The following QRICH1 variants were observed in gnomAD, a reference collection of about 807,000 sequenced individuals.
QRICH1 encodes the protein transcriptional regulator QRICH1.
In QRICH1, 16 loss-of-function variants were observed where a neutral mutation model predicts 87.1. The ratio of observed to expected loss-of-function variants is 0.18; its 90% CI spans 0.12 to 0.28. The LOEUF (loss-of-function observed/expected upper bound fraction) is 0.28, where lower values mean the gene tolerates loss of function less well. QRICH1 is among the 10% of genes least tolerant of loss of function. The pLI, the probability that QRICH1 is intolerant of heterozygous loss-of-function variation, is 1.00. For synonymous variants in QRICH1, 367 were observed against 368.4 expected, an observed-to-expected ratio of 1.00 and a Z score of 0.05; for missense variants, 647 against 951.7, an observed-to-expected ratio of 0.68 and a Z score of 4.21.
intron 2 of QRICH1, among the ~76,000 whole-genome samples, chr3:49,064,993 G>C (rs933999408): frequency 2.6e-5 from 4 of 151,948 alleles, no homozygotes; most frequent in Non-Finnish European, 4.4e-5. Flanking sequence ...GCCAGCCTGG[G>C]GGACAGAGCA....
intron 3 of QRICH1, among the ~76,000 whole-genome samples, chr3:49,049,154 T>C (rs910289492): frequency 8.6e-5 from 13 of 151,982 alleles, no homozygotes; most frequent in Admixed American, 1.3e-4. Context: ...TCTGCCCGCC[T>C]TGGCCTCCCA....
intron 1 of QRICH1, among the ~76,000 whole-genome samples, chr3:49,090,719 T>C (rs1336457867): frequency 6.6e-6 from 1 of 152,050 alleles, no homozygotes; most frequent in Non-Finnish European, 1.5e-5. Context: ...TGCCCTGGCC[T>C]GAAGAGTGAG....
At chr3:49,038,369 G>C (rs888248932) in intron 6 of QRICH1, among the ~76,000 whole-genome samples, 2 of 151,022 alleles carry the variant, frequency 1.3e-5, no homozygotes, top group African/African-American at 4.9e-5. Flanking sequence ...CCTAATAAAG[G>C]GTAGATTTTA....
intron 1 of QRICH1, among the ~76,000 whole-genome samples, chr3:49,084,483 G>C (rs1303474029): frequency 6.6e-6 from 1 of 151,910 alleles, no homozygotes; most frequent in Non-Finnish European, 1.5e-5. Flanking sequence ...TCAAACTCCT[G>C]ACCTCAAGCG....
intron 2 of QRICH1, among the ~76,000 whole-genome samples, chr3:49,069,090 T>C (rs2093484883): frequency 3.5e-5 from 3 of 86,404 alleles, no homozygotes; most frequent in Non-Finnish European, 6.2e-5. Context: ...AAATTTATTA[T>C]TATTATTATT....
intron 3 of QRICH1, among the ~76,000 whole-genome samples, chr3:49,049,679 G>A (rs1435251150): frequency 6.6e-6 from 1 of 151,434 alleles, no homozygotes; most frequent in Non-Finnish European, 1.5e-5. Context: ...TGTATTTTTA[G>A]TAGAGACGGG....
At chr3:49,054,457 T>A (rs1467163332) in intron 3 of QRICH1, among the ~76,000 whole-genome samples, 1 of 152,164 alleles carries the variant, frequency 6.6e-6, no homozygotes, top group Non-Finnish European at 1.5e-5. Context: ...AGTTCTACTT[T>A]GGGAAGGCAA....
At chr3:49,053,562 G>C (rs1374414471) in intron 3 of QRICH1, among the ~76,000 whole-genome samples, 2 of 150,992 alleles carry the variant, frequency 1.3e-5, no homozygotes, top group Admixed American at 6.6e-5. Flanking sequence ...AAACATACTT[G>C]CTGGTCTGAA....
At chr3:49,062,432 C>T (rs947889682) in intron 2 of QRICH1, among the ~76,000 whole-genome samples, 3 of 146,694 alleles carry the variant, frequency 2.0e-5, no homozygotes, top group African/African-American at 7.5e-5. Flanking sequence ...GGAATCTCAG[C>T]TTACTGCAAC....
chr3:49,030,716 C>T (rs2093231472), intron 9 of QRICH1, 72 bp from the exon 10 acceptor site: 1 of 1,323,808 alleles, frequency 7.6e-7, no homozygotes, highest in African/African-American at 1.5e-5. Context: ...ACTTCCCAGA[C>T]AGATGCTGTC....
At chr3:49,056,577 T>G (rs758563316) in intron 3 of QRICH1, among the ~76,000 whole-genome samples, 1 of 152,230 alleles carries the variant, frequency 6.6e-6, no homozygotes, top group Admixed American at 6.6e-5. Context: ...TTACTCTTCC[T>G]GAGAAGAGAT....
chr3:49,085,496 T>C (rs543169176), intron 1 of QRICH1, among the ~76,000 whole-genome samples: 2 of 152,276 alleles, frequency 1.3e-5, no homozygotes, highest in South Asian at 4.1e-4. Context: ...GGCTCATACC[T>C]GTAATCCCAG....
At chr3:49,065,306 G>A (rs954522800) in intron 2 of QRICH1, among the ~76,000 whole-genome samples, 1 of 151,876 alleles carries the variant, frequency 6.6e-6, no homozygotes, top group Non-Finnish European at 1.5e-5. Flanking sequence ...CACCATGTCC[G>A]GCTAATTTTT....
intron 6 of QRICH1, among the ~76,000 whole-genome samples, chr3:49,043,164 C>G (rs547225072): frequency 6.6e-6 from 1 of 152,172 alleles, no homozygotes; most frequent in Admixed American, 6.6e-5. Flanking sequence ...TCTGTACTTA[C>G]TGCTAAATTT....
intron 2 of QRICH1, among the ~76,000 whole-genome samples, chr3:49,073,269 G>C (rs752598352): frequency 1.3e-5 from 2 of 152,146 alleles, no homozygotes; most frequent in Non-Finnish European, 2.9e-5. Flanking sequence ...GGAAAACTTT[G>C]GCCAGGCACG....
chr3:49,050,181 G>A (rs1487705154), intron 3 of QRICH1, among the ~76,000 whole-genome samples: 7 of 146,388 alleles, frequency 4.8e-5, no homozygotes, highest in Admixed American at 2.1e-4. Flanking sequence ...CCTGGGAGGC[G>A]GAGCTTGCAG....
chr3:49,076,395 G>A (rs922784933), intron 2 of QRICH1, among the ~76,000 whole-genome samples: 2 of 152,104 alleles, frequency 1.3e-5, no homozygotes, highest in Non-Finnish European at 2.9e-5. Flanking sequence ...CACTCATCAC[G>A]CAAGTCACGT....
chr3:49,065,410 T>C (rs897216229), intron 2 of QRICH1, among the ~76,000 whole-genome samples: 2 of 152,184 alleles, frequency 1.3e-5, no homozygotes, highest in South Asian at 2.1e-4. Context: ...CATCCCAAAG[T>C]GTTAGGATTA....
At chr3:49,049,210 G>A (rs2093355996) in intron 3 of QRICH1, among the ~76,000 whole-genome samples, 2 of 151,216 alleles carry the variant, frequency 1.3e-5, no homozygotes, top group African/African-American at 4.9e-5. Context: ...GGCCTTCCCA[G>A]GTGATTTTAA....
Sources: allele counts gnomAD v4.1 joint callset (sites outside exome capture counted in the v4.1 genomes callset), GRCh38; gene constraint gnomAD v4.1.1; transcripts MANE v1.5; gene names NCBI Gene and HGNC (gene_info 2026-07-23, HGNC 2026-07-21).